Variants in DUSP18 observed in about 807,000 individuals in gnomAD.
DUSP18 encodes the protein dual specificity protein phosphatase 18.
DUSP18 carries 4 observed loss-of-function variants against 6.3 expected under a neutral mutation model. That is an observed-to-expected ratio of 0.63 (90% CI 0.31 to 1.45). DUSP18 has a LOEUF of 1.45. Ranked by LOEUF, DUSP18 falls within the 40% of genes most tolerant of loss-of-function variation. The pLI, the probability that DUSP18 is intolerant of heterozygous loss-of-function variation, is 0.07. For missense variants in DUSP18, 235 were observed against 247.7 expected, an observed-to-expected ratio of 0.95 and a Z score of 0.34; for synonymous variants, 96 against 95.1, an observed-to-expected ratio of 1.01 and a Z score of -0.05.
At chr22:30,667,077 C>G (rs900007051) in intron 1 of DUSP18, 2 of 152,302 alleles carry the variant, frequency 1.3e-5, no homozygotes, top group East Asian at 3.9e-4. Context: ...AACTCGGTAG[C>G]AGTTCAGCTT....
Position 30,664,046 on chromosome 22 carries a change from G to C in DUSP18, c.-43C>G. On this transcript the variant is annotated 5_prime_UTR_variant, in exon 2 of 2. Coordinates refer to ENST00000334679, the MANE Select transcript of DUSP18 (RefSeq NM_152511.5). ...GGTCAGCAGTCAGCGAAGCACGAAG[G>C]CTGCGTCTTTCTGCTAGGCTGTGTC... is the stretch of plus-strand genomic sequence containing the variant. 4 of 1,542,602 alleles carry C rather than the reference G, an allele frequency of 2.6e-6. No individual in the cohort carries two copies. The highest frequency in any genetic ancestry group is 3.5e-6 in the Non-Finnish European group (4 of 1,131,694).
At chr22:30,657,550 G>C (rs568494517), downstream of DUSP18, among the ~76,000 whole-genome samples, 2 of 151,956 alleles carry the variant, frequency 1.3e-5, no homozygotes, top group East Asian at 3.9e-4. Context: ...CTTGAGCCCA[G>C]GAATTTGAGA....
chr22:30,666,190 C>A (rs2088652132), intron 1 of DUSP18, among the ~76,000 whole-genome samples: 1 of 152,108 alleles, frequency 6.6e-6, no homozygotes, highest in Non-Finnish European at 1.5e-5. Flanking sequence ...AACTGATGTC[C>A]CCCCAAACCA....
At chr22:30,665,776 A>G (rs2088628396) in intron 1 of DUSP18, among the ~76,000 whole-genome samples, 1 of 152,172 alleles carries the variant, frequency 6.6e-6, no homozygotes, top group Non-Finnish European at 1.5e-5. Context: ...CTCCCACTCT[A>G]TCACCAACTA....
downstream of DUSP18, chr22:30,661,444 C>CTTTTTTTTTTTTTTTTTTTTT (rs56242112): frequency 5.9e-5 from 8 of 136,476 alleles, no homozygotes; most frequent in South Asian, 2.3e-4. Context: ...TTTTCTTTTT[C>CTTTTTTTTTTTTTTTTTTTTT]TTTTTTTTTT....
chr22:30,663,354 T>TAGAA lies in DUSP18; in HGVS notation c.*79_*82dup. ...CTGTTTTTTTCTGTATCAACAAAAG[T>TAGAA]AGAATGTTCAAGTTTGGATCTTGGT... On this transcript the variant is annotated 3_prime_UTR_variant, in exon 2 of 2. Transcript: ENST00000334679. The TAGAA allele has an allele frequency of 7.3e-7, 1 of 1,373,044 alleles. No homozygotes were observed. The highest frequency in any genetic ancestry group is 9.9e-7 in the Non-Finnish European group (1 of 1,005,048). 85.1% of individuals were successfully genotyped at this position (1,373,044 alleles called of 1,614,324 possible).
At chr22:30,656,744 A>G (rs1304695519), downstream of DUSP18, among the ~76,000 whole-genome samples, 1 of 152,202 alleles carries the variant, frequency 6.6e-6, no homozygotes, top group Non-Finnish European at 1.5e-5. Flanking sequence ...AAAAGCCCTC[A>G]ACCTTAACCT....
chr22:30,653,080 A>G (rs2088255095), intron 2 of DUSP18, among the ~76,000 whole-genome samples: 1 of 152,108 alleles, frequency 6.6e-6, no homozygotes, highest in Non-Finnish European at 1.5e-5. Flanking sequence ...CATCCTCCCT[A>G]ACCAAGTATT....
rs929005618 is a variant in DUSP18, at chr22:30,662,599, T to A, written c.*838A>T. The A allele has an allele frequency of 2.0e-5, 3 of 151,834 alleles. No individual in the cohort carries two copies. The highest frequency in any genetic ancestry group is 7.3e-5 in the African/African-American group (3 of 41,306). 9.4% of individuals were successfully genotyped at this position (151,834 alleles called of 1,614,324 possible). ...ATCAACACTTTGGGAGGCTGAGGCG[T>A]GAGGATTGCTTGAGGCCAGGAGTTT... On this transcript the variant is annotated 3_prime_UTR_variant, in exon 2 of 2. Coordinates refer to ENST00000334679, the MANE Select transcript of DUSP18 (RefSeq NM_152511.5).
downstream of DUSP18, among the ~76,000 whole-genome samples, chr22:30,660,791 T>C (rs1484927280): frequency 6.6e-6 from 1 of 151,278 alleles, no homozygotes; most frequent in Non-Finnish European, 1.5e-5. Flanking sequence ...ATAGTTAGAA[T>C]GCCTCTGGAT....
intron 2 of DUSP18, among the ~76,000 whole-genome samples, chr22:30,655,429 C>CTAAAAAAAAA (rs1389184839): frequency 9.0e-6 from 1 of 111,676 alleles, no homozygotes; most frequent in African/African-American, 3.6e-5. Flanking sequence ...GAGATCCTAC[C>CTAAAAAAAAA]AAAAAAAAAA....
intron 2 of DUSP18, chr22:30,654,857 A>G (rs2088302184): frequency 5.5e-6 from 1 of 183,178 alleles, no homozygotes; most frequent in Admixed American, 6.0e-5. Flanking sequence ...TTTTTAGATG[A>G]AACAGGGAAG....
downstream of DUSP18, among the ~76,000 whole-genome samples, chr22:30,660,537 T>G (rs1602098811): frequency 6.6e-6 from 1 of 152,136 alleles, no homozygotes; most frequent in African/African-American, 2.4e-5. Context: ...AGCTCTAACA[T>G]TCATGTTATC....
chr22:30,662,062 T>C lies in DUSP18; in HGVS notation c.*1375A>G, dbSNP rs752605804. ...TTTTTTTTTTTTTTTACACACAGGG[T>C]AACTTTTTGGAAGAGTACTTTGTAA... On this transcript the variant is annotated 3_prime_UTR_variant, in exon 2 of 2. Coordinates refer to ENST00000334679, the MANE Select transcript of DUSP18 (RefSeq NM_152511.5). 16 of 131,992 alleles carry C rather than the reference T, an allele frequency of 1.2e-4. No homozygotes were observed. The highest frequency in any genetic ancestry group is 2.2e-4 in the Non-Finnish European group (14 of 62,444). 8.2% of individuals were successfully genotyped at this position (131,992 alleles called of 1,614,324 possible).
downstream of DUSP18, among the ~76,000 whole-genome samples, chr22:30,657,306 C>A (rs5753264): frequency 0.65 from 73,013 of 112,312 alleles, 20,311 homozygotes; most frequent in South Asian, 0.75. Flanking sequence ...CACACACACA[C>A]AAATTAGCCG....
At chr22:30,667,002 C>T (rs2088696281) in intron 1 of DUSP18, 1 of 152,038 alleles carries the variant, frequency 6.6e-6, no homozygotes, top group Admixed American at 6.6e-5. Flanking sequence ...GCAAAGACCA[C>T]CTGAAGAAAT....
At chr22:30,664,537 T>G (rs1003206588) in intron 1 of DUSP18, among the ~76,000 whole-genome samples, 9 of 152,198 alleles carry the variant, frequency 5.9e-5, no homozygotes, top group African/African-American at 1.9e-4. Context: ...ATTTGTACAG[T>G]CTTCCTCCTC....
chr22:30,655,367 G>C (rs1248168998), intron 2 of DUSP18, among the ~76,000 whole-genome samples: 1 of 145,682 alleles, frequency 6.9e-6, no homozygotes, highest in Non-Finnish European at 1.5e-5. Context: ...TGAGATGGGA[G>C]GCTGCAGTGG....
downstream of DUSP18, among the ~76,000 whole-genome samples, chr22:30,659,975 A>T (rs1411643072): frequency 6.6e-6 from 1 of 152,228 alleles, no homozygotes; most frequent in Non-Finnish European, 1.5e-5. Flanking sequence ...TTCTACAGAG[A>T]AAAGGCCAAC....
Sources: gnomAD v4.1 joint callset for allele counts (sites outside exome capture counted in the v4.1 genomes callset) on GRCh38, gnomAD v4.1.1 for gene constraint, MANE v1.5 for transcripts, NCBI Gene and HGNC (gene_info 2026-07-23, HGNC 2026-07-21) for gene names.